Variants in AKT1S1 observed in about 807,000 individuals in gnomAD.
The protein encoded by AKT1S1 is AKT1 substrate 1.
In AKT1S1, 17 loss-of-function variants were observed where a neutral mutation model predicts 21.2. The ratio of observed to expected loss-of-function variants is 0.80; its 90% CI spans 0.55 to 1.20. AKT1S1 has a LOEUF of 1.20. AKT1S1 is among the 50% of genes most tolerant of loss of function. The pLI is 0.00. For missense variants in AKT1S1, 366 were observed against 368.3 expected, an observed-to-expected ratio of 0.99 and a Z score of 0.05; for synonymous variants, 181 against 165.6, an observed-to-expected ratio of 1.09 and a Z score of -0.72.
chr19:49,872,878 A>C, intron 2 of AKT1S1, 39 bp downstream of exon 2: 1 of 1,571,656 alleles, frequency 6.4e-7, no homozygotes, highest in Non-Finnish European at 8.6e-7. Flanking sequence ...GGGCACCTCA[A>C]GCGCTGGGCC....
intron 4 of AKT1S1, among the ~76,000 whole-genome samples, chr19:49,870,582 CTG>C (rs1372407976): frequency 1.3e-5 from 2 of 152,206 alleles, no homozygotes; most frequent in Non-Finnish European, 2.9e-5. Context: ...AGATCCCTCG[CTG>C]TGTCAGCCCC....
intron 2 of AKT1S1, among the ~76,000 whole-genome samples, chr19:49,872,562 G>A (rs1226406256): frequency 2.6e-5 from 4 of 152,116 alleles, no homozygotes; most frequent in Admixed American, 2.6e-4. Flanking sequence ...CCCAGGCGTT[G>A]TGGAAACGAC....
chr19:49,870,049 G>C lies in AKT1S1; in HGVS notation c.639C>G (p.Pro213=). The change falls in exon 5 of 5, where the codon CCC becomes CCG. Residue 213 remains proline (P), a synonymous_variant. Coordinates refer to ENST00000344175, the MANE Select transcript of AKT1S1 (RefSeq NM_001098633.4). ...SDEENGPPSS[P]DLDRIAASMR... is the part of the protein sequence containing the mutation. ...TGCTCGCCGCGATGCGGTCCAGGTC[G>C]GGCGAAGAGGGCTGCGGGGACGGCG... is the stretch of plus-strand genomic sequence containing the variant. The C allele has an allele frequency of 4.5e-6, 7 of 1,540,356 alleles. No homozygotes were observed. Among genetic ancestry groups the C allele is most frequent in the Non-Finnish European group, 6.1e-6 (7 of 1,140,248 alleles).
At chr19:49,878,233 G>A, upstream of AKT1S1, 1 of 1,557,672 alleles carries the variant, frequency 6.4e-7, no homozygotes, top group Non-Finnish European at 8.7e-7. Context: ...CATCCGTGTC[G>A]TGGAAAAGGT....
chr19:49,869,879 C>A lies in AKT1S1; in HGVS notation c.*38G>T. ...AGTGGGGCGGGGGCGTAGTGTGGGA[C>A]GGGGCGGACGCGGCCCGGGGCGCTC... On this transcript the variant is annotated 3_prime_UTR_variant, in exon 5 of 5. Coordinates refer to ENST00000344175, the MANE Select transcript of AKT1S1 (RefSeq NM_001098633.4). 6.9e-7 allele frequency: 1 copy of A among 1,440,848 alleles called. No homozygotes were observed. Among genetic ancestry groups the A allele is most frequent in the Non-Finnish European group, 9.2e-7 (1 of 1,081,106 alleles). 89.3% of individuals were successfully genotyped at this position (1,440,848 alleles called of 1,614,324 possible).
At chr19:49,877,696 C>G, upstream of AKT1S1, 2 of 1,597,862 alleles carry the variant, frequency 1.3e-6, no homozygotes, top group South Asian at 1.1e-5. Flanking sequence ...AAGGAGGAGG[C>G]GGGGCAGTGG....
rs374970373 is a variant in AKT1S1, at chr19:49,873,149, A to G, written c.147T>C (p.His49=). The change falls in exon 2 of 5, where the codon CAT becomes CAC. Residue 49 remains histidine, a synonymous_variant. Coordinates refer to ENST00000344175, the MANE Select transcript of AKT1S1 (RefSeq NM_001098633.4). This position sits in a 1 kb window ranked among gnomAD's most constrained non-coding sequence, Gnocchi z 6.9. ...CTGCCTCCGCCAGGGCTCCTCGACC[A>G]TGGGCAGCATAGGCACAGGGGCCCG... ...PRPGPCAYAA[H]GRGALAEAAR... is the part of the protein sequence containing the mutation. 1.9e-6 allele frequency: 3 copies of G among 1,538,638 alleles called. No individual in the cohort carries two copies. Among genetic ancestry groups the G allele is most frequent in the Non-Finnish European group, 2.6e-6 (3 of 1,147,964 alleles).
chr19:49,876,341 A>C, intron 1 of AKT1S1: 12 of 1,182,898 alleles, frequency 1.0e-5, no homozygotes, highest in East Asian at 3.5e-5. Context: ...GACCCCGTGG[A>C]CGTGGTCCAC....
chr19:49,870,906 G>A (rs1326827559), intron 4 of AKT1S1, among the ~76,000 whole-genome samples: 1 of 152,218 alleles, frequency 6.6e-6, no homozygotes, highest in African/African-American at 2.4e-5. Flanking sequence ...CACTGTGACT[G>A]CTGGTTTGCA....
At chr19:49,871,424 G>C in intron 4 of AKT1S1, 123 bp downstream of exon 4, 1 of 1,343,118 alleles carries the variant, frequency 7.4e-7, no homozygotes, top group Admixed American at 1.8e-5. Context: ...GCCTCTTGAG[G>C]TTGAGGGGAG....
chr19:49,876,538 G>A lies in AKT1S1; in HGVS notation c.-8+699C>T, dbSNP rs1037100843. On this transcript the variant is annotated intron_variant, in intron 1 of 4. Coordinates refer to ENST00000344175, the MANE Select transcript of AKT1S1 (RefSeq NM_001098633.4). ...CCCGTGAGCCGCTCGCCCTCCCAGC[G>A]CCCCGCTGCCTCAGGACGGCCAAAT... 1.6e-5 allele frequency: 23 copies of A among 1,459,444 alleles called. No homozygotes were observed. The African/African-American group carries it at 2.9e-4, about 18-fold the overall frequency. The allele number at this position is 1,459,444 out of a possible 1,614,324, so 90.4% of individuals were successfully genotyped here.
chr19:49,874,798 C>T (rs2074922515), intron 1 of AKT1S1: 2 of 152,290 alleles, frequency 1.3e-5, no homozygotes. Flanking sequence ...AAGCACACCG[C>T]CACTGCACGG....
intron 4 of AKT1S1, 34 bp from the exon 5 acceptor site, chr19:49,870,094 G>A (rs746601360): frequency 1.3e-6 from 2 of 1,482,446 alleles, no homozygotes; most frequent in East Asian, 2.7e-5. Context: ...GGTCAGCGCC[G>A]GCAGGGCAAT....
chr19:49,870,062 T>G lies in AKT1S1; in HGVS notation c.628-2A>C. 6.6e-7 allele frequency: 1 copy of G among 1,525,890 alleles called. No homozygotes were observed. Among genetic ancestry groups the G allele is most frequent in the Non-Finnish European group, 8.8e-7 (1 of 1,132,920 alleles). The allele number at this position is 1,525,890 out of a possible 1,614,324, so 94.5% of individuals were successfully genotyped here. A position where few individuals can be genotyped will look rare whatever the true frequency, so the allele number is the denominator to read the frequency against. On this transcript the variant is annotated splice_acceptor_variant, in intron 4 of 4. Transcript: ENST00000344175. LOFTEE classifies it high-confidence loss of function. The stretch of plus-strand genomic sequence containing the variant: ...GCGGTCCAGGTCGGGCGAAGAGGGC[T>G]GCGGGGACGGCGACGGGGCGAGGTC...
intron 4 of AKT1S1, 150 bp from the exon 5 acceptor site, chr19:49,870,210 G>A: frequency 1.0e-6 from 1 of 977,324 alleles, no homozygotes; most frequent in Admixed American, 4.1e-5. Flanking sequence ...TGCCAGCAGT[G>A]CCCCTCCCCG....
intron 1 of AKT1S1, chr19:49,876,465 G>A (rs1335081042): frequency 8.5e-7 from 1 of 1,176,070 alleles, no homozygotes; most frequent in African/African-American, 1.6e-5. Flanking sequence ...GCTCAGCAAA[G>A]GATCGCTGGC....
intron 1 of AKT1S1, chr19:49,876,735 G>T: frequency 7.2e-7 from 1 of 1,388,170 alleles, no homozygotes; most frequent in East Asian, 2.9e-5. Context: ...GGCCGCCCGA[G>T]ATCAAGATGG....
chr19:49,872,910 C>T lies in AKT1S1; in HGVS notation c.379+7G>A, dbSNP rs761821397. 2 of 1,596,584 alleles carry T rather than the reference C, an allele frequency of 1.3e-6. No homozygotes were observed. Among genetic ancestry groups the T allele is most frequent in the East Asian group, 2.2e-5 (1 of 44,662 alleles). ...GGCCGCACCCGCCCCTGCCCCCACC[C>T]TCTCACCTCCATTATCACTAATGCC... On this transcript the variant is annotated splice_region_variant and intron_variant, in intron 2 of 4. Coordinates refer to ENST00000344175, the MANE Select transcript of AKT1S1 (RefSeq NM_001098633.4).
Position 49,871,646 on chromosome 19 carries a change from G to A in AKT1S1, c.528C>T (p.Pro176=). The change falls in exon 4 of 5, where the codon CCC becomes CCT. Residue 176 remains proline, a synonymous_variant. Transcript: ENST00000344175. ...TCSVPPASAL[P]TQQYAKSLPV... ...GCAGGGACTTGGCGTACTGCTGTGT[G>A]GGTAGGGCTGAGGCTGGGGGCACTG... 1 of 1,614,062 alleles carries A rather than the reference G, an allele frequency of 6.2e-7. No individual in the cohort carries two copies. The highest frequency in any genetic ancestry group is 2.2e-5 in the East Asian group (1 of 44,884).
Sources: gnomAD v4.1 joint callset for allele counts (sites outside exome capture counted in the v4.1 genomes callset) on GRCh38, gnomAD v4.1.1 for gene constraint, Gnocchi (gnomAD v3.1) non-coding constraint, MANE v1.5 for transcripts, NCBI Gene and HGNC (gene_info 2026-07-23, HGNC 2026-07-21) for gene names.